RANBP2: variants seen among roughly 807,000 people sequenced by gnomAD.
RANBP2 encodes the protein E3 SUMO-protein ligase RanBP2.
In RANBP2, 57 loss-of-function variants were observed where a neutral mutation model predicts 303.6. The observed-to-expected ratio is 0.19, with a 90% CI of 0.15 to 0.23. RANBP2 has a LOEUF of 0.23. RANBP2 is among the 10% of genes least tolerant of loss of function. RANBP2 has a pLI of 1.00. For missense variants in RANBP2, 3,138 were observed against 3,780.8 expected, an observed-to-expected ratio of 0.83 and a Z score of 4.46; for synonymous variants, 1,167 against 1,301.5, an observed-to-expected ratio of 0.90 and a Z score of 2.23.
At chr2:109,491,849 C>T in the RANBP2 span, among the ~76,000 whole-genome samples, 36 of 152,324 alleles carry the variant, frequency 2.4e-4, no homozygotes, top group East Asian at 6.6e-3. Context: ...CCTCCCTTGG[C>T]CGTTCGGGTG....
At chr2:108,853,687 C>T in the RANBP2 span, among the ~76,000 whole-genome samples, 3 of 149,306 alleles carry the variant, frequency 2.0e-5, no homozygotes, top group Admixed American at 1.4e-4. Flanking sequence ...CTACGATGAC[C>T]ATCTAATTTT....
chr2:108,740,729 T>C (rs754852733), intron 7 of RANBP2, 48 bp downstream of exon 7: 4 of 1,597,336 alleles, frequency 2.5e-6, no homozygotes, highest in Middle Eastern at 2.3e-4. Context: ...TGAGTCTTGA[T>C]GTGTTTGAAA....
chr2:109,611,111 T>G, the RANBP2 span, among the ~76,000 whole-genome samples: 4 of 152,340 alleles, frequency 2.6e-5, no homozygotes, highest in African/African-American at 7.2e-5. Flanking sequence ...CAACAAATGG[T>G]GCTGGAGCAA....
chr2:108,924,328 C>T, the RANBP2 span, among the ~76,000 whole-genome samples: 1 of 152,238 alleles, frequency 6.6e-6, no homozygotes, highest in East Asian at 1.9e-4. Flanking sequence ...CTGGCACCAC[C>T]CTCTCCTTGG....
the RANBP2 span, among the ~76,000 whole-genome samples, chr2:109,668,521 T>A: frequency 6.6e-6 from 1 of 152,190 alleles, no homozygotes; most frequent in Admixed American, 6.5e-5. Context: ...GCAACACTTG[T>A]GCGATGCTGC....
At chr2:108,856,764 T>C in the RANBP2 span, 3 of 1,592,600 alleles carry the variant, frequency 1.9e-6, no homozygotes, top group Non-Finnish European at 2.6e-6. Context: ...CTAGCAAAAC[T>C]GCAGTTGATT....
At chr2:109,588,120 GAC>G in the RANBP2 span, among the ~76,000 whole-genome samples, 4 of 150,286 alleles carry the variant, frequency 2.7e-5, no homozygotes, top group African/African-American at 9.8e-5. Flanking sequence ...AAAAAAAAAA[GAC>G]ATCGTAGAAT....
chr2:108,719,784 G>A lies in RANBP2; in HGVS notation c.72+106G>A, dbSNP rs1694067229. 6 of 1,514,082 alleles carry A rather than the reference G, an allele frequency of 4.0e-6. No homozygotes were observed. The East Asian group carries it at 1.5e-4, about 38-fold the overall frequency. The allele number at this position is 1,514,082 out of a possible 1,614,324, so 93.8% of individuals were successfully genotyped here. On this transcript the variant is annotated intron_variant, in intron 1 of 28. Coordinates refer to ENST00000283195, the MANE Select transcript of RANBP2 (RefSeq NM_006267.5). ...CGGGCGCTGCTCCCTGGCGCGCTCT[G>A]TTGAGGCGCCGGCCGGCTGGCGCAG...
chr2:109,045,000 C>T, the RANBP2 span, among the ~76,000 whole-genome samples: 1 of 152,172 alleles, frequency 6.6e-6, no homozygotes, highest in Non-Finnish European at 1.5e-5. Flanking sequence ...ATAGTTCCAG[C>T]AGGAGTTTTT....
At chr2:109,362,928 T>C in the RANBP2 span, among the ~76,000 whole-genome samples, 1 of 152,226 alleles carries the variant, frequency 6.6e-6, no homozygotes, top group Admixed American at 6.5e-5. Flanking sequence ...CTTCATTGAT[T>C]TGCTGTTAAT....
chr2:109,121,065 T>C, the RANBP2 span, among the ~76,000 whole-genome samples: 4 of 152,156 alleles, frequency 2.6e-5, 1 homozygote, highest in South Asian at 8.3e-4. Flanking sequence ...GCTAACATGG[T>C]GAAACCCCGT....
rs563927547 is a variant in RANBP2, at chr2:108,748,825, A to G, written c.1064-95A>G. ...TTGGAGGGTTAGGTATGCAGTAATC[A>G]TGTTATTTCCCCTTTGGGTATACAA... On this transcript the variant is annotated intron_variant, in intron 8 of 28. Transcript: ENST00000283195. The G allele has an allele frequency of 1.4e-5, 23 of 1,609,480 alleles. No homozygotes were observed. The African/African-American group carries it at 1.7e-4, about 12-fold the overall frequency.
the RANBP2 span, chr2:109,667,918 TC>T: frequency 5.1e-6 from 1 of 194,358 alleles, no homozygotes; most frequent in Non-Finnish European, 1.1e-5. Flanking sequence ...CAAGAGGACC[TC>T]AGAAGAAGCT....
the RANBP2 span, among the ~76,000 whole-genome samples, chr2:109,475,672 AATT>A: frequency 6.6e-6 from 1 of 152,178 alleles, no homozygotes; most frequent in Non-Finnish European, 1.5e-5. Context: ...GCAGCATCCC[AATT>A]TCTACTTTGT....
At chr2:108,915,882 A>C in the RANBP2 span, among the ~76,000 whole-genome samples, 2 of 152,020 alleles carry the variant, frequency 1.3e-5, no homozygotes, top group African/African-American at 4.8e-5. Flanking sequence ...GGGCAACAAG[A>C]GCGAAACTCC....
the RANBP2 span, among the ~76,000 whole-genome samples, chr2:109,525,443 C>T: frequency 2.6e-5 from 4 of 152,326 alleles, no homozygotes; most frequent in African/African-American, 7.2e-5. Context: ...GGATTACAGG[C>T]ATGAGCCACC....
chr2:108,985,864 A>C, the RANBP2 span, among the ~76,000 whole-genome samples: 1 of 152,200 alleles, frequency 6.6e-6, no homozygotes, highest in Admixed American at 6.5e-5. Flanking sequence ...GAAGGAGCCC[A>C]TTCATTCATT....
the RANBP2 span, among the ~76,000 whole-genome samples, chr2:109,297,183 A>AG: frequency 4.8e-3 from 729 of 152,072 alleles, 3 homozygotes; most frequent in African/African-American, 0.017. Flanking sequence ...GGGCCTCTGC[A>AG]GGGGGGTGAG....
chr2:108,876,058 A>G, the RANBP2 span: 7 of 1,419,144 alleles, frequency 4.9e-6, no homozygotes, highest in Non-Finnish European at 6.9e-6. Context: ...AAGTATGTGT[A>G]ATTAAATAAT....
Sources: allele counts gnomAD v4.1 joint callset (sites outside exome capture counted in the v4.1 genomes callset), GRCh38; gene constraint gnomAD v4.1.1; transcripts MANE v1.5; gene names NCBI Gene and HGNC (gene_info 2026-07-23, HGNC 2026-07-21).